The following SESTD1 variants were observed in gnomAD, a reference collection of about 807,000 sequenced individuals.
SESTD1 encodes SEC14 and spectrin domain containing 1.
SESTD1 carries 43 observed loss-of-function variants against 101.7 expected under a neutral mutation model. That is an observed-to-expected ratio of 0.42 (90% CI 0.33 to 0.55). The LOEUF is 0.55. Ranked by LOEUF, SESTD1 falls within the 20% of genes least tolerant of loss-of-function variation. SESTD1 has a pLI of 0.07. For missense variants in SESTD1, 647 were observed against 815.1 expected, an observed-to-expected ratio of 0.79 and a Z score of 2.51; for synonymous variants, 283 against 286.8, an observed-to-expected ratio of 0.99 and a Z score of 0.13.
chr2:179,204,503 T>A lies in SESTD1; in HGVS notation c.-25-12637A>T, dbSNP rs1221021336. Among the ~76,000 whole-genome samples, 5 of 134,972 alleles carry A rather than the reference T, an allele frequency of 3.7e-5. 1 individual carries two copies. The highest frequency in any genetic ancestry group is 1.2e-4 in the African/African-American group (4 of 34,110). 88.5% of individuals were successfully genotyped at this position (134,972 alleles called of 152,430 possible). On this transcript the variant is annotated intron_variant, in intron 1 of 17. Transcript: ENST00000428443. ...ATTTCTGTGAACCAATGAGAATTCCTGACAAACAACTTTTTTTGTCCTTAA... is the reference window on the plus strand; with the variant it reads ...ATTTCTGTGAACCAATGAGAATTCCAGACAAACAACTTTTTTTGTCCTTAA...
At chr2:179,167,076 T>C (rs939351364) in intron 5 of SESTD1, among the ~76,000 whole-genome samples, 1 of 152,056 alleles carries the variant, frequency 6.6e-6, no homozygotes, top group African/African-American at 2.4e-5. Flanking sequence ...ACAACATAAG[T>C]GGAGTAAGAC....
At chr2:179,191,748 T>C (rs1048800731) in intron 2 of SESTD1, 39 bp downstream of exon 2, 38 of 1,532,896 alleles carry the variant, frequency 2.5e-5, no homozygotes, top group Non-Finnish European at 3.1e-5. Flanking sequence ...TTAAAAAGTT[T>C]GTATATCAAA....
chr2:179,149,250 T>A (rs932415328), intron 7 of SESTD1, 47 bp downstream of exon 7: 11 of 1,312,432 alleles, frequency 8.4e-6, no homozygotes, highest in Non-Finnish European at 1.2e-5. Flanking sequence ...TTTATCAGAA[T>A]AATTATAGTT....
chr2:179,243,822 T>A lies in SESTD1; in HGVS notation c.-26+20677A>T, dbSNP rs185093487. Among the ~76,000 whole-genome samples, 571 of 152,018 alleles carry A rather than the reference T, an allele frequency of 3.8e-3. 8 individuals carry two copies. Among genetic ancestry groups the A allele is most frequent in the African/African-American group, 0.013 (541 of 41,456 alleles). On this transcript the variant is annotated intron_variant, in intron 1 of 17. Coordinates refer to ENST00000428443, the MANE Select transcript of SESTD1 (RefSeq NM_178123.5). Reference sequence around the variant, plus strand: ...TTGGGTACTTTACTCACTACCTGGGTGACAGGACCATTCATACCCTAACTT... The same window carrying A: ...TTGGGTACTTTACTCACTACCTGGGAGACAGGACCATTCATACCCTAACTT...
intron 9 of SESTD1, among the ~76,000 whole-genome samples, chr2:179,140,736 T>C (rs916345438): frequency 6.6e-6 from 1 of 152,218 alleles, no homozygotes; most frequent in African/African-American, 2.4e-5. Flanking sequence ...ACTGTTGCTC[T>C]TGGCCTTGCC....
intron 1 of SESTD1, among the ~76,000 whole-genome samples, chr2:179,217,453 T>A (rs2046740351): frequency 6.6e-6 from 1 of 152,162 alleles, no homozygotes; most frequent in African/African-American, 2.4e-5. Context: ...CCAGTTAGAA[T>A]GGCGATTATT....
At chr2:179,143,981 T>G (rs2045340624) in intron 8 of SESTD1, among the ~76,000 whole-genome samples, 178 bp from the exon 9 acceptor site, 1 of 151,072 alleles carries the variant, frequency 6.6e-6, no homozygotes, top group African/African-American at 2.4e-5. Flanking sequence ...TACATATTAA[T>G]ATATATATGT....
Position 179,123,845 on chromosome 2 carries a change from A to G in SESTD1, c.1168-16T>C, listed in dbSNP as rs1466837346. 6.4e-7 allele frequency: 1 copy of G among 1,571,532 alleles called. No individual in the cohort carries two copies. Among genetic ancestry groups the G allele is most frequent in the Admixed American group, 1.7e-5 (1 of 59,870 alleles). Reference sequence around the variant, plus strand: ...GCTGAGACAACTAAAGCAGAGGGACACCAAAGAGATAACCCTGATGTAATC... The same window carrying G: ...GCTGAGACAACTAAAGCAGAGGGACGCCAAAGAGATAACCCTGATGTAATC... On this transcript the variant is annotated splice_polypyrimidine_tract_variant and intron_variant, in intron 11 of 17. Transcript: ENST00000428443.
At chr2:179,172,742 C>T (rs1436684976) in intron 4 of SESTD1, among the ~76,000 whole-genome samples, 1 of 152,174 alleles carries the variant, frequency 6.6e-6, no homozygotes, top group Non-Finnish European at 1.5e-5. Flanking sequence ...TTGACGAATA[C>T]AATTTCACAT....
At chr2:179,127,261 G>C (rs1332419466) in intron 10 of SESTD1, among the ~76,000 whole-genome samples, 1 of 152,038 alleles carries the variant, frequency 6.6e-6, no homozygotes, top group Non-Finnish European at 1.5e-5. Flanking sequence ...CCTTTGTTTG[G>C]ATTACTTCTC....
Position 179,106,365 on chromosome 2 carries a change from G to C in SESTD1, c.*3534C>G, listed in dbSNP as rs1004401302. Reference sequence around the variant, plus strand: ...TGGGTAGGATGTGAGAAGGGGAGTAGTACATAATAATGCCCAATCTCTATT... The same window carrying C: ...TGGGTAGGATGTGAGAAGGGGAGTACTACATAATAATGCCCAATCTCTATT... On this transcript the variant is annotated 3_prime_UTR_variant, in exon 18 of 18. Coordinates refer to ENST00000428443, the MANE Select transcript of SESTD1 (RefSeq NM_178123.5). 2.6e-5 allele frequency: 4 copies of C among 152,110 alleles called. No homozygotes were observed. Among genetic ancestry groups the C allele is most frequent in the African/African-American group, 4.8e-5 (2 of 41,416 alleles). 9.4% of individuals were successfully genotyped at this position (152,110 alleles called of 1,614,324 possible). A position where few individuals can be genotyped will look rare whatever the true frequency, so the allele number is the denominator to read the frequency against.
chr2:179,149,544 T>C (rs976958141), intron 6 of SESTD1, 150 bp from the exon 7 acceptor site: 1 of 515,864 alleles, frequency 1.9e-6, no homozygotes, highest in Non-Finnish European at 3.3e-6. Context: ...AGCACAACAA[T>C]GTACCCAAGA....
chr2:179,239,047 T>TGTA (rs2047110844), intron 1 of SESTD1, among the ~76,000 whole-genome samples: 2 of 152,210 alleles, frequency 1.3e-5, no homozygotes, highest in African/African-American at 4.8e-5. Context: ...ATTTCTCTGC[T>TGTA]GTAGCAGTAA....
Position 179,102,846 on chromosome 2 carries a change from T to C in SESTD1, c.*7053A>G, listed in dbSNP as rs1425159104. 2 of 152,080 alleles carry C rather than the reference T, an allele frequency of 1.3e-5. No homozygotes were observed. Among genetic ancestry groups the C allele is most frequent in the Non-Finnish European group, 2.9e-5 (2 of 68,000 alleles). The allele number at this position is 152,080 out of a possible 1,614,324, so 9.4% of individuals were successfully genotyped here. A position where few individuals can be genotyped will look rare whatever the true frequency, so the allele number is the denominator to read the frequency against. On this transcript the variant is annotated 3_prime_UTR_variant, in exon 18 of 18. Transcript: ENST00000428443. ...AACGCTAAAATGTCCCGTAAAAGCA[T>C]AGCTATCCCCTATGCAAAACTGTGA... is the stretch of plus-strand genomic sequence containing the variant.
chr2:179,182,756 T>C (rs1272972679), intron 3 of SESTD1, among the ~76,000 whole-genome samples: 1 of 152,148 alleles, frequency 6.6e-6, no homozygotes, highest in Non-Finnish European at 1.5e-5. Flanking sequence ...GTGAAATAGC[T>C]TACCTAAATA....
rs546645568 is a variant in SESTD1, at chr2:179,157,521, A to G, written c.370-6130T>C. ...TTGTTTCTTTGTTTTCATATTTAGA[A>G]TCATAGGATGATTTATTTCATATTT... is the stretch of plus-strand genomic sequence containing the variant. On this transcript the variant is annotated intron_variant, in intron 5 of 17. Transcript: ENST00000428443. Among the ~76,000 whole-genome samples the G allele has an allele frequency of 5.9e-5, 9 of 152,270 alleles. No individual in the cohort carries two copies. In the South Asian group the frequency reaches 1.9e-3, roughly 32 times the overall value.
intron 5 of SESTD1, 88 bp from the exon 6 acceptor site, chr2:179,151,479 A>C (rs1469266264): frequency 1.3e-6 from 1 of 771,888 alleles, no homozygotes; most frequent in Non-Finnish European, 2.0e-6. Context: ...AGGTTAAAAT[A>C]TGCAATATTG....
Position 179,116,893 on chromosome 2 carries a change from G to A in SESTD1, c.1525-103C>T, listed in dbSNP as rs553881651. On this transcript the variant is annotated intron_variant, in intron 14 of 17. Transcript: ENST00000428443. The stretch of plus-strand genomic sequence containing the variant: ...TTACTATCATGTGATTAATAAATCC[G>A]TTAATTATAACCTAAAGTCTTAAAA... 1.8e-5 allele frequency: 26 copies of A among 1,423,828 alleles called. 1 individual carries two copies. Among genetic ancestry groups the A allele is most frequent in the African/African-American group, 1.4e-4 (10 of 69,678 alleles). The allele number at this position is 1,423,828 out of a possible 1,614,324, so 88.2% of individuals were successfully genotyped here.
intron 1 of SESTD1, among the ~76,000 whole-genome samples, chr2:179,210,946 G>A (rs2046643365): frequency 1.5e-5 from 2 of 133,612 alleles, no homozygotes; most frequent in South Asian, 5.7e-4. Context: ...AAAACTCCTA[G>A]ATCTGATCAA....
Sources: allele counts gnomAD v4.1 joint callset (sites outside exome capture counted in the v4.1 genomes callset), GRCh38; gene constraint gnomAD v4.1.1; transcripts MANE v1.5; gene names NCBI Gene and HGNC (gene_info 2026-07-23, HGNC 2026-07-21).